CUX1: variants seen among roughly 807,000 people sequenced by gnomAD.
CUX1 encodes the protein cut like homeobox 1, also known as protein CASP.
In CUX1, 31 loss-of-function variants were observed where a neutral mutation model predicts 158.8. That is an observed-to-expected ratio of 0.20 (90% CI 0.15 to 0.26). The LOEUF is 0.26. Ranked by LOEUF, CUX1 falls within the 10% of genes least tolerant of loss-of-function variation. The probability of loss-of-function intolerance (pLI) is 1.00; values close to 1 mark genes in which losing one functional copy is unlikely to be tolerated. For synonymous variants in CUX1, 879 were observed against 862.1 expected (o/e 1.02, Z -0.34); for missense variants, 1,589 against 2,014.6 (o/e 0.79, Z 4.04).
chr7:101,842,958 C>T (rs182810399), intron 1 of CUX1, among the ~76,000 whole-genome samples: 17 of 150,810 alleles, frequency 1.1e-4, no homozygotes, highest in African/African-American at 3.9e-4. Flanking sequence ...CTCCACCTCC[C>T]GGGTTCACAC....
chr7:102,283,132 A>C, exon 23 of CUX1: 1 of 1,494,956 alleles, frequency 6.7e-7, no homozygotes. Flanking sequence ...CTGCGCCTCC[A>C]CCCCGACTGC....
At chr7:102,126,021 A>T (rs1486903213) in intron 8 of CUX1, among the ~76,000 whole-genome samples, 3 of 150,706 alleles carry the variant, frequency 2.0e-5, no homozygotes, top group African/African-American at 7.3e-5. Context: ...GTTTTATTTT[A>T]TTTTATTTTT....
chr7:102,126,479 T>A (rs1462192214), intron 8 of CUX1, among the ~76,000 whole-genome samples: 1 of 152,204 alleles, frequency 6.6e-6, no homozygotes, highest in Non-Finnish European at 1.5e-5. Context: ...TTTTGGCCTA[T>A]TTCCATAGTC....
At chr7:101,881,645 G>T (rs372739105) in intron 1 of CUX1, among the ~76,000 whole-genome samples, 1 of 152,164 alleles carries the variant, frequency 6.6e-6, no homozygotes, top group Non-Finnish European at 1.5e-5. Flanking sequence ...TGACGCCACC[G>T]ATTTGTCAAG....
At chr7:102,266,872 C>T (rs868961769) in intron 14 of CUX1, among the ~76,000 whole-genome samples, 4 of 152,142 alleles carry the variant, frequency 2.6e-5, no homozygotes, top group Admixed American at 2.0e-4. Context: ...CGGAATTAGA[C>T]GCTTGAGAAG....
intron 2 of CUX1, among the ~76,000 whole-genome samples, chr7:102,006,715 G>A (rs186447715): frequency 7.9e-4 from 120 of 152,314 alleles, no homozygotes; most frequent in African/African-American, 2.7e-3. Flanking sequence ...GGAAAATAAG[G>A]TTATTGGTGA....
intron 1 of CUX1, among the ~76,000 whole-genome samples, chr7:101,839,203 AG>A (rs963268054): frequency 1.3e-5 from 2 of 152,132 alleles, no homozygotes; most frequent in African/African-American, 2.4e-5. Flanking sequence ...TATGAATTTG[AG>A]GGGGGTGGAC....
At chr7:102,197,382 GTGTC>G in intron 15 of CUX1, 77 bp downstream of exon 15, 1 of 1,456,062 alleles carries the variant, frequency 6.9e-7, no homozygotes, top group African/African-American at 1.4e-5. Flanking sequence ...ATGCGTGCGT[GTGTC>G]TGTGTGCGTG....
chr7:102,111,552 G>A (rs1436934778), intron 6 of CUX1, 146 bp from the exon 7 acceptor site: 4 of 678,960 alleles, frequency 5.9e-6, no homozygotes, highest in East Asian at 2.7e-5. Flanking sequence ...CGGGGCCCAC[G>A]GCACACGTGT....
chr7:102,055,357 C>T (rs1206544880), intron 3 of CUX1, among the ~76,000 whole-genome samples: 2 of 152,154 alleles, frequency 1.3e-5, no homozygotes, highest in Non-Finnish European at 2.9e-5. Flanking sequence ...AAGTCTGTAG[C>T]AACCCTGAGT....
chr7:101,909,741 A>G (rs1803203684), intron 1 of CUX1, among the ~76,000 whole-genome samples: 1 of 152,176 alleles, frequency 6.6e-6, no homozygotes, highest in African/African-American at 2.4e-5. Context: ...TGGCCAGCCC[A>G]AGTATGTTTT....
chr7:102,069,581 T>G (rs562506433), intron 3 of CUX1, among the ~76,000 whole-genome samples: 1 of 152,256 alleles, frequency 6.6e-6, no homozygotes, highest in Non-Finnish European at 1.5e-5. Context: ...AAACCTCGTC[T>G]CTACTAAAAA....
Position 101,838,746 on chromosome 7 carries a change from T to G in CUX1, c.30+21077T>G, listed in dbSNP as rs137981503. On this transcript the variant is annotated intron_variant, in intron 1 of 23. Transcript: ENST00000292535. ...TGAACCTGGGAGGTAGAGGTTGCAG[T>G]GAGCCGAGATTGTGCCATTGCACTC... Among the ~76,000 whole-genome samples, 640 of 151,928 alleles carry G rather than the reference T, an allele frequency of 4.2e-3. 5 individuals carry two copies. Among genetic ancestry groups the G allele is most frequent in the African/African-American group, 0.012 (491 of 41,436 alleles).
intron 20 of CUX1, among the ~76,000 whole-genome samples, chr7:102,226,435 C>CA (rs1189035479): frequency 2.6e-5 from 4 of 152,064 alleles, no homozygotes; most frequent in African/African-American, 4.8e-5. Flanking sequence ...CTCTTCACAA[C>CA]AAAAAAACAG....
chr7:102,030,598 T>G (rs1219756201), intron 3 of CUX1, among the ~76,000 whole-genome samples: 3 of 152,100 alleles, frequency 2.0e-5, no homozygotes, highest in Non-Finnish European at 4.4e-5. Context: ...CCCCAAGATG[T>G]CTTTTATAAC....
intron 2 of CUX1, among the ~76,000 whole-genome samples, chr7:101,994,270 G>A (rs1815525731): frequency 6.6e-6 from 1 of 152,162 alleles, no homozygotes; most frequent in African/African-American, 2.4e-5. Context: ...TCATTTCTTT[G>A]GAATCTCTTG....
In CUX1 at chr7:102,249,306, A is replaced by C. The variant is rs2132632860; in HGVS notation, c.*264A>C. On this transcript the variant is annotated 3_prime_UTR_variant, in exon 24 of 24. Transcript: ENST00000292535. Reference sequence around the variant, plus strand: ...TCCACCAACCCCGCGGCCCAGACCCAGCCCGCGGCCTGGACCCCTGGACCG... The same window carrying C: ...TCCACCAACCCCGCGGCCCAGACCCCGCCCGCGGCCTGGACCCCTGGACCG... 8 of 1,030,692 alleles carry C rather than the reference A, an allele frequency of 7.8e-6. No homozygotes were observed. Among genetic ancestry groups the C allele is most frequent in the Non-Finnish European group, 9.3e-6 (8 of 858,692 alleles). 63.8% of individuals were successfully genotyped at this position (1,030,692 alleles called of 1,614,324 possible). A position where few individuals can be genotyped will look rare whatever the true frequency, so the allele number is the denominator to read the frequency against.
In CUX1 at chr7:102,201,888, G is replaced by C. The variant is rs748035791; in HGVS notation, c.2591G>C (p.Arg864Pro). The change falls in exon 18 of 24, where the codon CGG becomes CCG. Residue 864 changes from arginine to proline, a missense_variant. By Grantham distance (103) the Arg-to-Pro change is moderately radical. Coordinates refer to ENST00000292535, the MANE Select transcript of CUX1 (RefSeq NM_181552.4). This position sits in a 1 kb window ranked among gnomAD's most constrained non-coding sequence, Gnocchi z 5.0. ...GGCAGCGGAGGTGGCAGCCAGCCTC[G>C]GGCCGAGCGCAGTCAGCTCCAGGGA... is the stretch of plus-strand genomic sequence containing the variant. ...SGGSGGGSQP[R>P]AERSQLQGPS... 1.9e-6 allele frequency: 3 copies of C among 1,613,728 alleles called. No homozygotes were observed. Among genetic ancestry groups the C allele is most frequent in the Non-Finnish European group, 2.5e-6 (3 of 1,179,930 alleles).
chr7:102,216,510 G>GCA (rs1387813185), intron 20 of CUX1, among the ~76,000 whole-genome samples: 19 of 88,584 alleles, frequency 2.1e-4, no homozygotes, highest in Admixed American at 6.2e-4. Context: ...GTGCGTGTGT[G>GCA]CGCGCACACA....
Sources: allele counts gnomAD v4.1 joint callset (sites outside exome capture counted in the v4.1 genomes callset), GRCh38; gene constraint gnomAD v4.1.1; non-coding constraint Gnocchi (gnomAD v3.1); transcripts MANE v1.5; gene names NCBI Gene and HGNC (gene_info 2026-07-23, HGNC 2026-07-21).